TOGARAM2: variants seen among roughly 807,000 people sequenced by gnomAD.
The protein encoded by TOGARAM2 is TOG array regulator of axonemal microtubules 2, also known as TOG array regulator of axonemal microtubules protein 2.
TOGARAM2 carries 85 observed loss-of-function variants against 93.3 expected under a neutral mutation model. The ratio of observed to expected loss-of-function variants is 0.91; its 90% CI spans 0.76 to 1.09. The LOEUF is 1.09. Among genes scored for constraint, TOGARAM2 ranks in the 50% least tolerant of loss-of-function variants. The pLI, the probability that TOGARAM2 is intolerant of heterozygous loss-of-function variation, is 0.00. For missense variants in TOGARAM2, 1,277 were observed against 1,334.5 expected (o/e 0.96, Z 0.67); for synonymous variants, 593 against 552.8 (o/e 1.07, Z -1.02).
chr2:28,994,989 G>T, intron 2 of TOGARAM2, 127 bp downstream of exon 2: 1 of 1,197,570 alleles, frequency 8.4e-7, no homozygotes. Context: ...ACAGCCAGGT[G>T]GCCGTGCCTT....
At chr2:29,045,601 C>A in intron 19 of TOGARAM2, 191 bp downstream of exon 19, 1 of 610,384 alleles carries the variant, frequency 1.6e-6, no homozygotes, top group Non-Finnish European at 2.9e-6. Context: ...TGTTTTTGAT[C>A]AAAATGAAGT....
At chr2:28,958,202 G>A (rs1020747752) in intron 1 of TOGARAM2, among the ~76,000 whole-genome samples, 1 of 152,132 alleles carries the variant, frequency 6.6e-6, no homozygotes, top group African/African-American at 2.4e-5. Flanking sequence ...AGATTATCTA[G>A]TGGTAAGCAA....
At chr2:28,960,283 CT>C (rs2148212353) in intron 1 of TOGARAM2, among the ~76,000 whole-genome samples, 1 of 152,304 alleles carries the variant, frequency 6.6e-6, no homozygotes, top group South Asian at 2.1e-4. Flanking sequence ...CAGATTATGA[CT>C]CCTGCAATAA....
intron 1 of TOGARAM2, among the ~76,000 whole-genome samples, chr2:28,967,765 C>G (rs1038875662): frequency 1.4e-5 from 2 of 142,446 alleles, no homozygotes; most frequent in African/African-American, 5.2e-5. Context: ...AAGAGCAATT[C>G]AAAGGGTGAG....
chr2:29,044,448 C>T (rs1278234500), intron 18 of TOGARAM2, among the ~76,000 whole-genome samples: 1 of 152,118 alleles, frequency 6.6e-6, no homozygotes, highest in Non-Finnish European at 1.5e-5. Flanking sequence ...CCTGCCAGAG[C>T]CAGCCGGGTG....
At chr2:29,016,424 TC>T (rs2148333323) in intron 8 of TOGARAM2, among the ~76,000 whole-genome samples, 1 of 152,318 alleles carries the variant, frequency 6.6e-6, no homozygotes, top group South Asian at 2.1e-4. Context: ...GTTAGAACGT[TC>T]TGTGGATGTG....
intron 1 of TOGARAM2, among the ~76,000 whole-genome samples, chr2:28,974,040 C>T (rs528824162): frequency 2.0e-3 from 311 of 151,950 alleles, no homozygotes; most frequent in South Asian, 3.5e-3. Context: ...TATTGTGTTT[C>T]TCTGTAGACA....
intron 8 of TOGARAM2, among the ~76,000 whole-genome samples, chr2:29,016,677 G>T (rs1017155073): frequency 6.6e-6 from 1 of 152,134 alleles, no homozygotes; most frequent in African/African-American, 2.4e-5. Context: ...GGGTGATGTG[G>T]ATCCTGCCCC....
chr2:29,029,552 C>T (rs1020941408), intron 14 of TOGARAM2, among the ~76,000 whole-genome samples: 2 of 151,814 alleles, frequency 1.3e-5, no homozygotes, highest in Non-Finnish European at 2.9e-5. Flanking sequence ...GTCAGGAGAT[C>T]GAGACCATCC....
intron 1 of TOGARAM2, among the ~76,000 whole-genome samples, chr2:28,981,790 G>A (rs1341294114): frequency 6.6e-6 from 1 of 152,242 alleles, no homozygotes; most frequent in African/African-American, 2.4e-5. Context: ...AGCACTGGGA[G>A]CCAAGGAAGG....
Position 29,017,951 on chromosome 2 carries a change from C to T in TOGARAM2, c.1355C>T (p.Ala452Val). 1 of 1,602,024 alleles carries T rather than the reference C, an allele frequency of 6.2e-7. No individual in the cohort carries two copies. Among genetic ancestry groups the T allele is most frequent in the South Asian group, 1.1e-5 (1 of 89,576 alleles). Residue 452 changes from alanine to valine, a missense_variant, in exon 10 of 20, where the codon GCC becomes GTC. Ala to Val is a moderately conservative substitution (Grantham distance 64). Coordinates refer to ENST00000379558, the MANE Select transcript of TOGARAM2 (RefSeq NM_199280.4). The part of the protein sequence containing the change: ...SRQEPRFARH[A>V]SANSLPAVLT... The stretch of plus-strand genomic sequence containing the variant: ...CAGGAGCCCCGCTTTGCCCGCCACG[C>T]CTCAGGTGGGCAGGCCCGACTGGCA...
chr2:29,002,678 C>G lies in TOGARAM2; in HGVS notation c.570C>G (p.Val190=). The change falls in exon 5 of 20, where the codon GTC becomes GTG. Residue 190 remains valine, a synonymous_variant. Transcript: ENST00000379558. The stretch of plus-strand genomic sequence containing the variant: ...CTACCACCCCTGAGGCCAGCGGAGT[C>G]AAAGAGAAGGGCCTGGACCTACCGG... ...SIPTTPEASG[V]KEKGLDLPGS... 6.2e-7 allele frequency: 1 copy of G among 1,614,022 alleles called. No homozygotes were observed. Among genetic ancestry groups the G allele is most frequent in the Non-Finnish European group, 8.5e-7 (1 of 1,179,884 alleles).
At chr2:28,960,143 A>C (rs1450111725) in intron 1 of TOGARAM2, among the ~76,000 whole-genome samples, 4 of 152,214 alleles carry the variant, frequency 2.6e-5, no homozygotes, top group African/African-American at 7.2e-5. Context: ...TATGCAGTCC[A>C]TGACTATATT....
intron 1 of TOGARAM2, among the ~76,000 whole-genome samples, chr2:28,988,966 T>C (rs10196050): frequency 0.96 from 146,685 of 152,296 alleles, 70,815 homozygotes; most frequent in Non-Finnish European, 1. Context: ...CCCCTTAGGG[T>C]CTCCCCTTCT....
chr2:28,998,763 G>C (rs998181713), intron 3 of TOGARAM2, among the ~76,000 whole-genome samples: 1 of 152,150 alleles, frequency 6.6e-6, no homozygotes, highest in African/African-American at 2.4e-5. Context: ...GTGTCTGCTG[G>C]GGGTGGGGGT....
intron 1 of TOGARAM2, among the ~76,000 whole-genome samples, chr2:28,991,080 CATT>C (rs1432031042): frequency 4.0e-5 from 6 of 150,014 alleles, no homozygotes; most frequent in Non-Finnish European, 7.4e-5. Context: ...TCACACCTGA[CATT>C]ATTGAGCAAT....
chr2:28,964,876 A>G (rs1203484097), intron 1 of TOGARAM2, among the ~76,000 whole-genome samples: 1 of 152,046 alleles, frequency 6.6e-6, no homozygotes, highest in African/African-American at 2.4e-5. Flanking sequence ...CCTTTTCTTT[A>G]TCCAGTCTAT....
At position 29,023,172 on chromosome 2, in the gene TOGARAM2, G is replaced by C; in HGVS notation, c.1598G>C (p.Cys533Ser). The change falls in exon 12 of 20, where the codon TGC becomes TCC. Residue 533 changes from cysteine to serine, a missense_variant. Transcript: ENST00000379558. Reference sequence around the variant, plus strand: ...CTCACCGGGAAGCTGCACGACGTGTGCTTGGTGGTGACTGGGGAGGTGAGG... The same window carrying C: ...CTCACCGGGAAGCTGCACGACGTGTCCTTGGTGGTGACTGGGGAGGTGAGG... ...EVLTGKLHDV[C>S]LVVTGEVTNL... 6.3e-7 allele frequency: 1 copy of C among 1,594,370 alleles called. No homozygotes were observed. The highest frequency in any genetic ancestry group is 8.5e-7 in the Non-Finnish European group (1 of 1,170,450).
chr2:29,032,390 C>T lies in TOGARAM2; in HGVS notation c.2013-544C>T, dbSNP rs73922948. 8.3e-3 allele frequency among the ~76,000 whole-genome samples: 1,270 copies of T among 152,318 alleles called. 21 individuals carry two copies. Among genetic ancestry groups the T allele is most frequent in the African/African-American group, 0.028 (1,176 of 41,564 alleles). On this transcript the variant is annotated intron_variant, in intron 14 of 19. Transcript: ENST00000379558. ...CTCCTACTTATCTGTTGAGCCCCAA[C>T]GCAAGGGTCACCTCTTCTATGAAGC...
Sources: allele counts gnomAD v4.1 joint callset (sites outside exome capture counted in the v4.1 genomes callset), GRCh38; gene constraint gnomAD v4.1.1; transcripts MANE v1.5; gene names NCBI Gene and HGNC (gene_info 2026-07-23, HGNC 2026-07-21).